Variants in SETD1A observed in about 807,000 individuals in gnomAD.
SETD1A encodes the protein SET domain containing 1A, histone lysine methyltransferase.
A neutral mutation model predicts 149.9 loss-of-function variants in SETD1A; 29 were observed. That is an observed-to-expected ratio of 0.19 (90% CI 0.14 to 0.26). The LOEUF (loss-of-function observed/expected upper bound fraction) is 0.26. SETD1A is among the 10% of genes least tolerant of loss of function. SETD1A has a pLI of 1.00. For synonymous variants in SETD1A, 1,141 were observed against 968.5 expected (o/e 1.18, Z -3.31); for missense variants, 2,109 against 2,353.1 (o/e 0.90, Z 2.15).
At position 30,978,739 on chromosome 16, in the gene SETD1A, G is replaced by T. The variant is rs189281261; in HGVS notation, c.3359-406G>T. On this transcript the variant is annotated intron_variant, in intron 13 of 18. Coordinates refer to ENST00000262519, the MANE Select transcript of SETD1A (RefSeq NM_014712.3). ...TTTTAGCTGAAATGTGGCTGACTGGGTCCTTGGCATGTGACATGGCTGGGG... is the reference window on the plus strand; with the variant it reads ...TTTTAGCTGAAATGTGGCTGACTGGTTCCTTGGCATGTGACATGGCTGGGG... Among the ~76,000 whole-genome samples, 190 of 152,390 alleles carry T rather than the reference G, an allele frequency of 1.2e-3. 1 individual carries two copies. The highest frequency in any genetic ancestry group is 1.5e-4 in the Non-Finnish European group (10 of 68,044).
At position 30,980,022 on chromosome 16, in the gene SETD1A, C is replaced by G; in HGVS notation, c.4236C>G (p.Pro1412=). ...RPPPPPPPPP[P]RAYEPRSEFE... The stretch of plus-strand genomic sequence containing the variant: ...CGCCCCCACCCCCGCCGCCACCGCC[C>G]CGCGCCTACGAGCCACGCAGTGAGT... Residue 1412 remains proline (P), a synonymous_variant, in exon 14 of 19, where the codon CCC becomes CCG. Transcript: ENST00000262519. The surrounding 1 kb of genome is among the most constrained non-coding windows in gnomAD (Gnocchi z 7.7). The G allele has an allele frequency of 6.3e-7, 1 of 1,576,522 alleles. No homozygotes were observed.
In SETD1A at chr16:30,984,254, T is replaced by G. The variant is rs1437594762; in HGVS notation, c.*231T>G. On this transcript the variant is annotated 3_prime_UTR_variant, in exon 19 of 19. Transcript: ENST00000262519. ...TTGTTTTTCTTTGCGGAGAAGAAGC[T>G]GTAAATGTTTTGTAGCAGCCAGCAG... 3.6e-6 allele frequency: 2 copies of G among 552,456 alleles called. No individual in the cohort carries two copies. Among genetic ancestry groups the G allele is most frequent in the East Asian group, 6.1e-5 (2 of 32,856 alleles). 34.2% of individuals were successfully genotyped at this position (552,456 alleles called of 1,614,324 possible). A position where few individuals can be genotyped will look rare whatever the true frequency, so the allele number is the denominator to read the frequency against.
At chr16:30,979,018 T>A in intron 13 of SETD1A, 127 bp from the exon 14 acceptor site, 1 of 931,468 alleles carries the variant, frequency 1.1e-6, no homozygotes, top group Non-Finnish European at 1.6e-6. Context: ...GGCCAGGGCG[T>A]CTGTGTTCCC....
In SETD1A at chr16:30,958,831, A is replaced by G. The variant is rs768727742; in HGVS notation, c.100A>G (p.Arg34Gly). Residue 34 changes from arginine (R) to glycine (G), a missense_variant, in exon 2 of 19, where the codon AGG becomes GGG. Around this residue, in one of 8 missense-constraint regions of SETD1A, gnomAD observed 75 missense variants for 95.3 expected, o/e 0.79. Transcript: ENST00000262519. ...TCCTGCCTTGGACCCTGCCCTGCGCAGGCCTTCTCAGAAGGTGTACCGCTA... is the reference window on the plus strand; with the variant it reads ...TCCTGCCTTGGACCCTGCCCTGCGCGGGCCTTCTCAGAAGGTGTACCGCTA... The part of the protein sequence containing the change: ...VDPALDPALR[R>G]PSQKVYRYDG... 1.2e-6 allele frequency: 2 copies of G among 1,614,214 alleles called. No individual in the cohort carries two copies. Among genetic ancestry groups the G allele is most frequent in the Non-Finnish European group, 1.7e-6 (2 of 1,180,018 alleles).
chr16:30,958,012 G>GCGC (rs1201272821), intron 1 of SETD1A, 48 bp downstream of exon 1: 2 of 151,612 alleles, frequency 1.3e-5, no homozygotes, highest in African/African-American at 2.4e-5. Context: ...TGGTGGGGGG[G>GCGC]CGCCGCCGCC....
rs1189073300 is a variant in SETD1A at position 30,965,683 on chromosome 16, C to T, written c.1802C>T (p.Pro601Leu). Residue 601 changes from proline (P) to leucine (L), a missense_variant, in exon 8 of 19, where the codon CCT (proline) becomes CTT (leucine). Around this residue, in one of 8 missense-constraint regions of SETD1A, gnomAD observed 431 missense variants for 388.6 expected, o/e 1.11. Coordinates refer to ENST00000262519, the MANE Select transcript of SETD1A (RefSeq NM_014712.3). ...TCACCCCCTCCGGCCCCGACGCCCC[C>T]TCAGCAGCCTCCGCCACCTCCCCCT... Reference protein sequence around the residue: ...GGSPPPAPTPPQQPPPPPPPP... With the variant: ...GGSPPPAPTPLQQPPPPPPPP... The T allele has an allele frequency of 1.2e-6, 2 of 1,607,462 alleles. No homozygotes were observed. Among genetic ancestry groups the T allele is most frequent in the Non-Finnish European group, 1.7e-6 (2 of 1,177,228 alleles).
chr16:30,966,685 A>G (rs555711307), intron 8 of SETD1A, among the ~76,000 whole-genome samples, 199 bp from the exon 9 acceptor site: 1 of 152,178 alleles, frequency 6.6e-6, no homozygotes, highest in Non-Finnish European at 1.5e-5. Context: ...TGAAGTGGGA[A>G]TGGTGGCTAT....
In SETD1A at chr16:30,978,569, C is replaced by G. The variant is rs1393457043; in HGVS notation, c.3359-576C>G. 3.9e-5 allele frequency among the ~76,000 whole-genome samples: 6 copies of G among 152,344 alleles called. No homozygotes were observed. The East Asian group carries it at 7.7e-4, about 20-fold the overall frequency. ...CTAGCAGCGCTGTCTCCTGCCCCTC[C>G]CTGCAGGGCATGTTCAAATTCTGTA... On this transcript the variant is annotated intron_variant, in intron 13 of 18. Transcript: ENST00000262519.
rs754262641 is a variant in SETD1A, at chr16:30,979,280, G to A, written c.3494G>A (p.Arg1165Gln). 20 of 1,426,524 alleles carry A rather than the reference G, an allele frequency of 1.4e-5. No homozygotes were observed. The highest frequency in any genetic ancestry group is 9.1e-5 in the South Asian group (8 of 88,052). The allele number at this position is 1,426,524 out of a possible 1,614,324, so 88.4% of individuals were successfully genotyped here. Reference protein sequence around the residue: ...IPLLPPPKKRRKTVSFSAIEV... With the variant: ...IPLLPPPKKRQKTVSFSAIEV... The stretch of plus-strand genomic sequence containing the variant: ...CTCCTGCCCCCACCCAAGAAACGCC[G>A]GAAAACTGTCTCCTTCTCTGCCATC... Residue 1165 changes from arginine (R) to glutamine (Q), a missense_variant, in exon 14 of 19, where the codon CGG becomes CAG. By Grantham distance (43) the Arg-to-Gln change is conservative. This residue lies in a region of SETD1A where 832 missense variants were observed against 815.6 expected (regional missense o/e 1.02). Transcript: ENST00000262519.
rs763143674 is a variant in SETD1A at position 30,983,665 on chromosome 16, G to A, written c.4843G>A (p.Val1615Met). The change falls in exon 18 of 19, where the codon GTG (valine) becomes ATG (methionine). Residue 1615 changes from valine to methionine, a missense_variant. Val to Met is a conservative substitution (Grantham distance 21). Around this residue, in one of 8 missense-constraint regions of SETD1A, gnomAD observed 254 missense variants for 409.3 expected, o/e 0.62. Coordinates refer to ENST00000262519, the MANE Select transcript of SETD1A (RefSeq NM_014712.3). This position sits in a 1 kb window ranked among gnomAD's most constrained non-coding sequence, Gnocchi z 6.8. The part of the protein sequence containing the change: ...MVADMREKRY[V>M]QEGIGSSYLF... ...GGCCGACATGCGGGAGAAGCGCTAC[G>A]TGCAGGAGGGCATTGGCAGCAGCTA... 30 of 1,613,636 alleles carry A rather than the reference G, an allele frequency of 1.9e-5. No individual in the cohort carries two copies. The highest frequency in any genetic ancestry group is 2.5e-5 in the Non-Finnish European group (29 of 1,179,958).
Position 30,964,655 on chromosome 16 carries a change from T to C in SETD1A, c.913T>C (p.Tyr305His). The C allele has an allele frequency of 6.2e-7, 1 of 1,613,958 alleles. No individual in the cohort carries two copies. Among genetic ancestry groups the C allele is most frequent in the Non-Finnish European group, 8.5e-7 (1 of 1,180,010 alleles). ...SFKPRRSENSYQDAFSRRHFS... is the reference protein window; with the variant it reads ...SFKPRRSENSHQDAFSRRHFS... The stretch of plus-strand genomic sequence containing the variant: ...CAAGCCCCGGCGGTCAGAGAACAGC[T>C]ACCAAGATGCCTTTTCCCGCCGCCA... Residue 305 changes from tyrosine (Y) to histidine (H), a missense_variant, in exon 7 of 19, where the codon TAC becomes CAC. Tyr to His is a moderately conservative substitution (Grantham distance 83). This residue lies in a region of SETD1A where 410 missense variants were observed against 394.8 expected (regional missense o/e 1.04). Coordinates refer to ENST00000262519, the MANE Select transcript of SETD1A (RefSeq NM_014712.3).
chr16:30,978,937 C>G (rs1056341670), intron 13 of SETD1A, among the ~76,000 whole-genome samples: 1 of 152,184 alleles, frequency 6.6e-6, no homozygotes, highest in Non-Finnish European at 1.5e-5. Flanking sequence ...ACACACGTGT[C>G]ACAGCGGGAA....
At position 30,971,689 on chromosome 16, in the gene SETD1A, G is replaced by C. The variant is rs773425630; in HGVS notation, c.3328G>C (p.Glu1110Gln). The C allele has an allele frequency of 1.3e-6, 2 of 1,586,806 alleles. No individual in the cohort carries two copies. The highest frequency in any genetic ancestry group is 1.7e-6 in the Non-Finnish European group (2 of 1,163,356). ...VAGSPVTPLP[E>Q]QEASPARPAG... is the part of the protein sequence containing the mutation. ...AGGCTCCCCAGTCACACCCCTGCCC[G>C]AACAGGAGGCGTCTCCAGCAAGGCC... The change falls in exon 13 of 19, where the codon GAA becomes CAA. Residue 1110 changes from glutamate (E) to glutamine (Q), a missense_variant. By Grantham distance (29) the Glu-to-Gln change is conservative (BLOSUM62 2). Transcript: ENST00000262519.
chr16:30,958,255 G>C (rs1390352387), intron 1 of SETD1A: 1 of 152,524 alleles, frequency 6.6e-6, no homozygotes, highest in African/African-American at 2.4e-5. Context: ...TCGAAGCCGG[G>C]TCTCGGGCTC....
At chr16:30,965,499 TG>T in intron 7 of SETD1A, 38 bp downstream of exon 7, 1 of 1,582,368 alleles carries the variant, frequency 6.3e-7, no homozygotes, top group Non-Finnish European at 8.6e-7. Context: ...ACCTGGGCTC[TG>T]GGAGTCAGGG....
intron 1 of SETD1A, 81 bp downstream of exon 1, chr16:30,958,045 TCG>T (rs1181700016): frequency 6.6e-6 from 1 of 150,510 alleles, no homozygotes; most frequent in Non-Finnish European, 1.5e-5. Context: ...GGGCCGGGTC[TCG>T]CGCTGCCGCT....
rs2056228993 is a variant in SETD1A at position 30,971,797 on chromosome 16, G to A, written c.3358+78G>A. On this transcript the variant is annotated intron_variant, in intron 13 of 18. Coordinates refer to ENST00000262519, the MANE Select transcript of SETD1A (RefSeq NM_014712.3). The stretch of plus-strand genomic sequence containing the variant: ...GAAAACAGTGGTGCTTGCATTTATT[G>A]TGTACAAGTGTGTGACTTTATTAGA... The A allele has an allele frequency of 1.0e-5, 15 of 1,456,206 alleles. No individual in the cohort carries two copies. The South Asian group carries it at 1.3e-4, about 13-fold the overall frequency. The allele number at this position is 1,456,206 out of a possible 1,614,324, so 90.2% of individuals were successfully genotyped here.
chr16:30,972,638 CAAA>C (rs34067658), intron 13 of SETD1A, among the ~76,000 whole-genome samples: 12 of 118,926 alleles, frequency 1.0e-4, no homozygotes, highest in Admixed American at 2.6e-4. Flanking sequence ...GACTCTGTCT[CAAA>C]AAAAAAAAAA....
chr16:30,959,802 C>G (rs2056024211), intron 3 of SETD1A, among the ~76,000 whole-genome samples: 1 of 151,600 alleles, frequency 6.6e-6, no homozygotes, highest in Non-Finnish European at 1.5e-5. Flanking sequence ...CTCTTTCACA[C>G]CCACAGCTTC....
Sources: gnomAD v4.1 joint callset for allele counts (sites outside exome capture counted in the v4.1 genomes callset) on GRCh38, gnomAD v4.1.1 for gene constraint, gnomAD v4.1.1 regional missense constraint, Gnocchi (gnomAD v3.1) non-coding constraint, MANE v1.5 for transcripts, NCBI Gene and HGNC (gene_info 2026-07-23, HGNC 2026-07-21) for gene names.